CAMTA1: variants seen among roughly 807,000 people sequenced by gnomAD.
CAMTA1 encodes calmodulin-binding transcription activator 1.
A neutral mutation model predicts 170.9 loss-of-function variants in CAMTA1; 27 were observed. The ratio of observed to expected loss-of-function variants is 0.16; its 90% CI spans 0.12 to 0.22. CAMTA1 has a LOEUF of 0.22. Among genes scored for constraint, CAMTA1 ranks in the 10% least tolerant of loss-of-function variants. The pLI, the probability that CAMTA1 is intolerant of heterozygous loss-of-function variation, is 1.00. For synonymous variants in CAMTA1, 833 were observed against 891.5 expected, an observed-to-expected ratio of 0.93 and a Z score of 1.17; for missense variants, 1,619 against 2,217.2, an observed-to-expected ratio of 0.73 and a Z score of 5.42.
intron 5 of CAMTA1, among the ~76,000 whole-genome samples, chr1:7,277,694 A>G (rs1009538347): frequency 1.3e-5 from 2 of 152,122 alleles, no homozygotes; most frequent in African/African-American, 4.8e-5. Context: ...GATAGTAGAT[A>G]AAGACAAGGA....
rs1048712400 is a variant in CAMTA1 at position 7,674,818 on chromosome 1, TG to T, written c.2780-2780del. On this transcript the variant is annotated intron_variant, in intron 10 of 22. Coordinates refer to ENST00000303635, the MANE Select transcript of CAMTA1 (RefSeq NM_015215.4). The surrounding 1 kb of genome is among the most constrained non-coding windows in gnomAD (Gnocchi z 4.1). ...AAACAAACAAAAACAACAAATGAGG[TG>T]TAGAATTGGGTTTCAAAACAATTCA... Among the ~76,000 whole-genome samples, 8 of 151,866 alleles carry T rather than the reference TG, an allele frequency of 5.3e-5. No homozygotes were observed. The East Asian group carries it at 7.7e-4, about 15-fold the overall frequency.
chr1:7,379,974 T>C (rs2087157724), intron 5 of CAMTA1, among the ~76,000 whole-genome samples: 1 of 152,220 alleles, frequency 6.6e-6, no homozygotes, highest in African/African-American at 2.4e-5. Flanking sequence ...AGGGCTGTTC[T>C]TAATCAGTAG....
chr1:7,037,470 T>G (rs1030896845), intron 3 of CAMTA1, among the ~76,000 whole-genome samples: 1 of 152,210 alleles, frequency 6.6e-6, no homozygotes, highest in Non-Finnish European at 1.5e-5. Context: ...TGCTGCTTTC[T>G]CTCTCTGCTG....
chr1:7,557,439 T>C (rs1289148105), intron 6 of CAMTA1, among the ~76,000 whole-genome samples: 1 of 152,174 alleles, frequency 6.6e-6, no homozygotes, highest in Non-Finnish European at 1.5e-5. Flanking sequence ...ACAGTGAGGA[T>C]TTGGGCTGGA....
chr1:7,751,462 G>C, intron 20 of CAMTA1, 70 bp downstream of exon 20: 1 of 1,374,224 alleles, frequency 7.3e-7, no homozygotes, highest in Non-Finnish European at 9.8e-7. Flanking sequence ...TGAAAGACTT[G>C]TCCTGGGCTG....
intron 6 of CAMTA1, among the ~76,000 whole-genome samples, chr1:7,578,585 G>A (rs961413405): frequency 6.6e-6 from 1 of 152,230 alleles, no homozygotes; most frequent in Non-Finnish European, 1.5e-5. Context: ...GGATGGCCGT[G>A]CCCTGTGGAT....
chr1:6,939,022 C>T (rs1201814976), intron 3 of CAMTA1, among the ~76,000 whole-genome samples: 1 of 152,228 alleles, frequency 6.6e-6, no homozygotes, highest in Non-Finnish European at 1.5e-5. Flanking sequence ...CCACCAGGCA[C>T]AGTCCTCGCC....
At chr1:7,180,573 G>T (rs1487259300) in intron 4 of CAMTA1, among the ~76,000 whole-genome samples, 1 of 148,846 alleles carries the variant, frequency 6.7e-6, no homozygotes, top group Non-Finnish European at 1.5e-5. Context: ...AAGTGCAGGG[G>T]TGTAATAACG....
At position 7,751,380 on chromosome 1, in the gene CAMTA1, A is replaced by G. The variant is rs773727103; in HGVS notation, c.4871A>G (p.Gln1624Arg). ...GCTCGCCGGACGGCTGTGATTGTAC[A>G]ACAGAAACTCAGGTGGGTGGAGAAG... ...RQARRTAVIV[Q>R]QKLRSSLLTK... The change falls in exon 20 of 23, where the codon CAA becomes CGA. Residue 1624 changes from glutamine to arginine, a missense_variant. Gln to Arg is a conservative substitution (Grantham distance 43, BLOSUM62 1). Coordinates refer to ENST00000303635, the MANE Select transcript of CAMTA1 (RefSeq NM_015215.4). The G allele has an allele frequency of 6.3e-7, 1 of 1,594,686 alleles. No individual in the cohort carries two copies.
chr1:6,842,014 C>G (rs1204620575), intron 3 of CAMTA1, among the ~76,000 whole-genome samples: 1 of 152,178 alleles, frequency 6.6e-6, no homozygotes, highest in African/African-American at 2.4e-5. Flanking sequence ...CAGCCATGAT[C>G]TTGCCCAGAC....
chr1:7,070,015 C>T (rs1638404107), intron 3 of CAMTA1, among the ~76,000 whole-genome samples: 1 of 152,224 alleles, frequency 6.6e-6, no homozygotes. Flanking sequence ...CTCTCGCCCT[C>T]CTCCGCTGGG....
chr1:7,542,934 G>A (rs1343824952), intron 6 of CAMTA1, among the ~76,000 whole-genome samples: 1 of 150,148 alleles, frequency 6.7e-6, no homozygotes, highest in Non-Finnish European at 1.5e-5. Flanking sequence ...GCGCGATCTC[G>A]GCTCACTGCA....
chr1:7,499,619 TGAGTGA>T (rs1334835778), intron 6 of CAMTA1, among the ~76,000 whole-genome samples: 3 of 108,008 alleles, frequency 2.8e-5, no homozygotes, highest in African/African-American at 1.2e-4. Flanking sequence ...TGTGTGTGCA[TGAGTGA>T]GTGTGAGCCT....
intron 3 of CAMTA1, among the ~76,000 whole-genome samples, chr1:7,039,499 A>T (rs1704110440): frequency 8.7e-6 from 1 of 115,510 alleles, no homozygotes; most frequent in African/African-American, 4.1e-5. Context: ...TCACATCTGA[A>T]CCATTGTCCA....
intron 5 of CAMTA1, among the ~76,000 whole-genome samples, chr1:7,398,106 T>C (rs937697124): frequency 6.8e-6 from 1 of 147,212 alleles, no homozygotes; most frequent in Admixed American, 6.8e-5. Context: ...CCTACTATTA[T>C]TGTATTGCAA....
chr1:7,505,530 G>T (rs903812977), intron 6 of CAMTA1, among the ~76,000 whole-genome samples: 3 of 152,184 alleles, frequency 2.0e-5, no homozygotes, highest in Admixed American at 2.0e-4. Context: ...AGATGGGGCC[G>T]GGAGGGGACC....
At chr1:7,552,632 A>G (rs2094818743) in intron 6 of CAMTA1, among the ~76,000 whole-genome samples, 1 of 152,218 alleles carries the variant, frequency 6.6e-6, no homozygotes, top group Admixed American at 6.5e-5. Context: ...CTGCCCACGC[A>G]TATCCAGGAG....
intron 5 of CAMTA1, among the ~76,000 whole-genome samples, chr1:7,430,030 T>C (rs191447318): frequency 2.4e-4 from 37 of 152,206 alleles, no homozygotes; most frequent in African/African-American, 8.2e-4. Context: ...ACCTCCAGCA[T>C]TGGGGATTAC....
chr1:7,242,479 A>T (rs1025578407), intron 4 of CAMTA1, among the ~76,000 whole-genome samples: 9 of 152,222 alleles, frequency 5.9e-5, no homozygotes, highest in African/African-American at 2.2e-4. Flanking sequence ...TTATAGAGAA[A>T]TTCACCTGTA....
Sources: gnomAD v4.1 joint callset for allele counts (sites outside exome capture counted in the v4.1 genomes callset) on GRCh38, gnomAD v4.1.1 for gene constraint, Gnocchi (gnomAD v3.1) non-coding constraint, MANE v1.5 for transcripts, NCBI Gene and HGNC (gene_info 2026-07-23, HGNC 2026-07-21) for gene names.